The following ANGPT2 variants were observed in gnomAD, a reference collection of about 807,000 sequenced individuals.
ANGPT2 encodes angiopoietin 2.
ANGPT2 carries 28 observed loss-of-function variants against 62.9 expected under a neutral mutation model. The observed-to-expected ratio is 0.44, with a 90% CI of 0.33 to 0.61. The LOEUF (loss-of-function observed/expected upper bound fraction) is 0.61. ANGPT2 is among the 20% of genes least tolerant of loss of function. The probability of loss-of-function intolerance (pLI) is 0.03; values close to 1 mark genes in which losing one functional copy is unlikely to be tolerated. For synonymous variants in ANGPT2, 284 were observed against 207.8 expected, an observed-to-expected ratio of 1.37 and a Z score of -3.15; for missense variants, 727 against 594.9, an observed-to-expected ratio of 1.22 and a Z score of -2.31.
chr8:6,504,979 C>A (rs1381991309), intron 8 of ANGPT2, among the ~76,000 whole-genome samples: 1 of 151,562 alleles, frequency 6.6e-6, no homozygotes, highest in Non-Finnish European at 1.5e-5. Flanking sequence ...GTTGGAGGAA[C>A]ACATACAGTA....
chr8:6,502,840 C>T lies in ANGPT2; in HGVS notation c.*261G>A. 2.3e-6 allele frequency: 1 copy of T among 442,930 alleles called. No homozygotes were observed. Among genetic ancestry groups the T allele is most frequent in the Non-Finnish European group, 4.0e-6 (1 of 247,762 alleles). 27.4% of individuals were successfully genotyped at this position (442,930 alleles called of 1,614,324 possible). A position where few individuals can be genotyped will look rare whatever the true frequency, so the allele number is the denominator to read the frequency against. The stretch of plus-strand genomic sequence containing the variant: ...GCGTCTGTAAACTGTCAGTCTGATT[C>T]TCAGCCTCGGGTTCATCTTTGCATA... On this transcript the variant is annotated 3_prime_UTR_variant, in exon 9 of 9. Coordinates refer to ENST00000629816, the MANE Select transcript of ANGPT2 (RefSeq NM_001118887.2).
chr8:6,511,721 A>T (rs1815140136), intron 7 of ANGPT2, among the ~76,000 whole-genome samples: 1 of 152,192 alleles, frequency 6.6e-6, no homozygotes, highest in African/African-American at 2.4e-5. Flanking sequence ...TTAAGCTTTA[A>T]ACCAATGTGT....
intron 8 of ANGPT2, among the ~76,000 whole-genome samples, chr8:6,504,952 A>T (rs1812985458): frequency 6.6e-6 from 1 of 151,972 alleles, no homozygotes; most frequent in Non-Finnish European, 1.5e-5. Context: ...AAACTGAATA[A>T]ATCTCAACAA....
Position 6,499,858 on chromosome 8 carries a change from T to C in ANGPT2, c.*3243A>G, listed in dbSNP as rs1811810333. 4 of 1,613,170 alleles carry C rather than the reference T, an allele frequency of 2.5e-6. No individual in the cohort carries two copies. The East Asian group carries it at 8.9e-5, about 36-fold the overall frequency. ...CTTGTTGTGTCACTTGCAGGTGCTA[T>C]GGTCTTTAGAATTGGGTCACTGGAT... On this transcript the variant is annotated 3_prime_UTR_variant, in exon 9 of 9. Transcript: ENST00000629816.
Position 6,501,553 on chromosome 8 carries a change from C to CTTTTTTTT in ANGPT2, c.*1540_*1547dup, listed in dbSNP as rs761570329. Reference sequence around the variant, plus strand: ...TGTGTTCTCAAATTTTCTTTTCTTTCTTTTTTTTTTTTTTTTTTTGAGATG... The same window carrying CTTTTTTTT: ...TGTGTTCTCAAATTTTCTTTTCTTTCTTTTTTTTTTTTTTTTTTTTTTTTTTTGAGATG... On this transcript the variant is annotated 3_prime_UTR_variant, in exon 9 of 9. Transcript: ENST00000629816. The CTTTTTTTT allele has an allele frequency of 2.3e-5, 3 of 128,048 alleles. No homozygotes were observed. Among genetic ancestry groups the CTTTTTTTT allele is most frequent in the Non-Finnish European group, 3.4e-5 (2 of 59,494 alleles). The allele number at this position is 128,048 out of a possible 1,614,324, so 7.9% of individuals were successfully genotyped here. A position where few individuals can be genotyped will look rare whatever the true frequency, so the allele number is the denominator to read the frequency against.
At chr8:6,548,627 C>A (rs1016090795) in intron 1 of ANGPT2, among the ~76,000 whole-genome samples, 1 of 151,874 alleles carries the variant, frequency 6.6e-6, no homozygotes, top group Admixed American at 6.6e-5. Context: ...TAATGATGGC[C>A]GTAAGTCATA....
chr8:6,532,104 G>A (rs1157468262), intron 2 of ANGPT2, among the ~76,000 whole-genome samples: 3 of 152,204 alleles, frequency 2.0e-5, no homozygotes, highest in African/African-American at 7.2e-5. Context: ...CATGTCTTCA[G>A]TAGATAGAAC....
chr8:6,522,672 G>C (rs1033609193), intron 3 of ANGPT2, among the ~76,000 whole-genome samples: 11 of 151,626 alleles, frequency 7.3e-5, no homozygotes, highest in African/African-American at 2.2e-4. Flanking sequence ...TACTCAGGAG[G>C]CTGAGGCAGG....
chr8:6,519,441 A>C (rs1246654937), intron 5 of ANGPT2, among the ~76,000 whole-genome samples: 1 of 152,206 alleles, frequency 6.6e-6, no homozygotes, highest in Non-Finnish European at 1.5e-5. Flanking sequence ...ATCACTGAAA[A>C]ATGACTTTGA....
At chr8:6,513,895 A>C in intron 6 of ANGPT2, 51 bp from the exon 7 acceptor site, 1 of 1,524,390 alleles carries the variant, frequency 6.6e-7, no homozygotes, top group Non-Finnish European at 8.9e-7. Context: ...TTTTCTTTGT[A>C]TATTTGAAGT....
At chr8:6,533,239 T>A (rs947969618) in intron 1 of ANGPT2, among the ~76,000 whole-genome samples, 5 of 152,206 alleles carry the variant, frequency 3.3e-5, no homozygotes, top group African/African-American at 1.2e-4. Context: ...CTGACTAATT[T>A]TAGCATTAAC....
At chr8:6,529,122 G>A (rs2081051485) in intron 2 of ANGPT2, among the ~76,000 whole-genome samples, 3 of 152,240 alleles carry the variant, frequency 2.0e-5, no homozygotes, top group Non-Finnish European at 4.4e-5. Context: ...TGGCCCAGTA[G>A]TAATTGTAAC....
In ANGPT2 at chr8:6,527,965, G is replaced by A. The variant is rs746647534; in HGVS notation, c.445-289C>T. Among the ~76,000 whole-genome samples the A allele has an allele frequency of 4.3e-4, 65 of 150,082 alleles. 1 individual carries two copies. The highest frequency in any genetic ancestry group is 7.4e-4 in the Non-Finnish European group (50 of 67,758). ...GGGTGGAGTGCAGTGGCATGATCTCGGCTCACTGCAACCTCCGCCTCCCGG... is the reference window on the plus strand; with the variant it reads ...GGGTGGAGTGCAGTGGCATGATCTCAGCTCACTGCAACCTCCGCCTCCCGG... On this transcript the variant is annotated intron_variant, in intron 2 of 8. Transcript: ENST00000629816.
At chr8:6,509,276 C>G (rs1814446784) in intron 7 of ANGPT2, among the ~76,000 whole-genome samples, 1 of 152,110 alleles carries the variant, frequency 6.6e-6, no homozygotes, top group South Asian at 2.1e-4. Flanking sequence ...TTCATGAAAC[C>G]TTCAACACAT....
At chr8:6,542,621 G>C (rs1012569140) in intron 1 of ANGPT2, among the ~76,000 whole-genome samples, 1 of 151,350 alleles carries the variant, frequency 6.6e-6, no homozygotes, top group African/African-American at 2.4e-5. Context: ...AGTGCTGTCT[G>C]AGGAGCATTA....
intron 5 of ANGPT2, among the ~76,000 whole-genome samples, chr8:6,517,273 T>C (rs996190292): frequency 2.0e-5 from 3 of 152,170 alleles, no homozygotes; most frequent in African/African-American, 7.2e-5. Context: ...CCTGATATCT[T>C]TCTATAAAGC....
At chr8:6,543,250 G>A (rs1464837557) in intron 1 of ANGPT2, among the ~76,000 whole-genome samples, 2 of 152,174 alleles carry the variant, frequency 1.3e-5, no homozygotes, top group Non-Finnish European at 2.9e-5. Context: ...AAGACTCAGC[G>A]GGAACACAAG....
At position 6,499,643 on chromosome 8, in the gene ANGPT2, C is replaced by T. The variant is rs1003761225; in HGVS notation, c.*3458G>A. 2 of 520,814 alleles carry T rather than the reference C, an allele frequency of 3.8e-6. No homozygotes were observed. The highest frequency in any genetic ancestry group is 6.9e-6 in the Non-Finnish European group (2 of 290,452). 32.3% of individuals were successfully genotyped at this position (520,814 alleles called of 1,614,324 possible). ...AATAATGACTCAGATTTCTTGTTAT[C>T]GTGAGACTTTTTCTCAATCAACTTT... On this transcript the variant is annotated 3_prime_UTR_variant, in exon 9 of 9. Coordinates refer to ENST00000629816, the MANE Select transcript of ANGPT2 (RefSeq NM_001118887.2).
intron 8 of ANGPT2, chr8:6,508,248 G>C (rs966898719): frequency 6.6e-6 from 1 of 152,342 alleles, no homozygotes; most frequent in Non-Finnish European, 1.5e-5. Flanking sequence ...TCAGCAGTTC[G>C]AGACCAGCCT....
Sources: gnomAD v4.1 joint callset for allele counts (sites outside exome capture counted in the v4.1 genomes callset) on GRCh38, gnomAD v4.1.1 for gene constraint, MANE v1.5 for transcripts, NCBI Gene and HGNC (gene_info 2026-07-23, HGNC 2026-07-21) for gene names.